The following PLCG2 variants were observed in gnomAD, a reference collection of about 807,000 sequenced individuals.
PLCG2 encodes the protein 1-phosphatidylinositol 4,5-bisphosphate phosphodiesterase gamma-2.
In PLCG2, 69 loss-of-function variants were observed where a neutral mutation model predicts 175.6. The ratio of observed to expected loss-of-function variants is 0.39; its 90% CI spans 0.32 to 0.48. The LOEUF is 0.48. PLCG2 is among the 20% of genes least tolerant of loss of function. The pLI is 0.91. For missense variants in PLCG2, 1,798 were observed against 1,650.9 expected (o/e 1.09, Z -1.54); for synonymous variants, 827 against 624.0 (o/e 1.33, Z -4.85).
intron 31 of PLCG2, among the ~76,000 whole-genome samples, chr16:81,949,935 C>T (rs552724820): frequency 1.3e-5 from 2 of 152,234 alleles, no homozygotes; most frequent in South Asian, 4.1e-4. Context: ...TTTAATGCTA[C>T]ATCTGATGTT....
chr16:81,919,459 C>T (rs755880854), intron 19 of PLCG2, 25 bp from the exon 20 acceptor site: 1 of 1,598,284 alleles, frequency 6.3e-7, no homozygotes, highest in South Asian at 1.1e-5. Context: ...CTTGGCATGT[C>T]AACCCTGTGT....
chr16:81,854,682 A>G (rs886876974), intron 3 of PLCG2, 95 bp downstream of exon 3: 14 of 1,112,708 alleles, frequency 1.3e-5, no homozygotes, highest in African/African-American at 6.1e-5. Flanking sequence ...CTGCCTGCTC[A>G]CTGATGTGTA....
chr16:81,943,180 G>A (rs968440641), intron 30 of PLCG2, among the ~76,000 whole-genome samples: 9 of 152,216 alleles, frequency 5.9e-5, no homozygotes, highest in Admixed American at 5.2e-4. Context: ...TCAGCAGCTA[G>A]ACTGTATTAG....
intron 31 of PLCG2, among the ~76,000 whole-genome samples, chr16:81,951,342 G>A (rs1185877553): frequency 2.0e-5 from 3 of 152,182 alleles, no homozygotes; most frequent in African/African-American, 7.2e-5. Flanking sequence ...ATACTGGAAA[G>A]GAGACTGAAC....
chr16:81,862,432 C>T (rs1039423489), intron 5 of PLCG2, among the ~76,000 whole-genome samples: 1 of 152,220 alleles, frequency 6.6e-6, no homozygotes, highest in Non-Finnish European at 1.5e-5. Context: ...TGCTCTCAGA[C>T]ACGTTTTCTA....
At chr16:81,919,930 G>A (rs1909993802) in intron 20 of PLCG2, among the ~76,000 whole-genome samples, 1 of 152,154 alleles carries the variant, frequency 6.6e-6, no homozygotes, top group Non-Finnish European at 1.5e-5. Context: ...TGGGCAGGTG[G>A]ATAAGAGGAT....
At chr16:81,810,110 G>C (rs982084537) in intron 2 of PLCG2, among the ~76,000 whole-genome samples, 2 of 152,074 alleles carry the variant, frequency 1.3e-5, no homozygotes, top group Non-Finnish European at 2.9e-5. Context: ...TCCTGCCTCA[G>C]CCTCCTGAGT....
intron 18 of PLCG2, 72 bp from the exon 19 acceptor site, chr16:81,912,525 G>A: frequency 1.9e-6 from 3 of 1,566,990 alleles, no homozygotes; most frequent in Non-Finnish European, 2.6e-6. Context: ...CCATTATCTT[G>A]TCCTCTGCGG....
Position 81,792,719 on chromosome 16 carries a change from C to G in PLCG2, c.193+6537C>G, listed in dbSNP as rs116469255. On this transcript the variant is annotated intron_variant, in intron 2 of 32. Coordinates refer to ENST00000564138, the MANE Select transcript of PLCG2 (RefSeq NM_002661.5). Reference sequence around the variant, plus strand: ...AGCCTCTTGTAAAACTATCAGCCCTCATGAGAATTTACTCACTATCACGAG... The same window carrying G: ...AGCCTCTTGTAAAACTATCAGCCCTGATGAGAATTTACTCACTATCACGAG... 4.2e-3 allele frequency among the ~76,000 whole-genome samples: 641 copies of G among 152,118 alleles called. 4 individuals carry two copies. Among genetic ancestry groups the G allele is most frequent in the African/African-American group, 0.015 (614 of 41,486 alleles).
intron 2 of PLCG2, among the ~76,000 whole-genome samples, chr16:81,795,732 G>T (rs577657044): frequency 1.3e-5 from 2 of 151,744 alleles, no homozygotes; most frequent in East Asian, 1.9e-4. Flanking sequence ...ATGGGGTCTT[G>T]CTTATTGCCC....
At chr16:81,786,203 G>A in intron 2 of PLCG2, 21 bp downstream of exon 2, 1 of 1,607,760 alleles carries the variant, frequency 6.2e-7, no homozygotes, top group Non-Finnish European at 8.5e-7. Flanking sequence ...GCTGGGTGGG[G>A]CAGTGTGGCC....
intron 5 of PLCG2, among the ~76,000 whole-genome samples, chr16:81,863,717 C>G (rs1303497932): frequency 6.6e-6 from 1 of 152,256 alleles, no homozygotes; most frequent in African/African-American, 2.4e-5. Context: ...CATATCCTCA[C>G]CAACACTTAC....
chr16:81,908,444 G>C lies in PLCG2; in HGVS notation c.1586G>C (p.Gly529Ala), dbSNP rs1013382788. Residue 529 changes from glycine (G) to alanine (A), a missense_variant, in exon 17 of 33, where the codon GGG becomes GCG. Coordinates refer to ENST00000564138, the MANE Select transcript of PLCG2 (RefSeq NM_002661.5). ...QDIPPTELHF[G>A]EKWFHKKVEK... ...ATACCCCCTACAGAACTACATTTTG[G>C]GGAGAAATGGTTCCACAAGAAGGTG... The C allele has an allele frequency of 1.2e-6, 2 of 1,613,986 alleles. No individual in the cohort carries two copies. The highest frequency in any genetic ancestry group is 1.7e-6 in the Non-Finnish European group (2 of 1,180,016).
chr16:81,896,671 A>C (rs1908905737), intron 13 of PLCG2, among the ~76,000 whole-genome samples: 1 of 152,148 alleles, frequency 6.6e-6, no homozygotes, highest in African/African-American at 2.4e-5. Flanking sequence ...TTTTGTGCCC[A>C]GTTCTCACCC....
chr16:81,816,911 G>A (rs1032738613), intron 2 of PLCG2, among the ~76,000 whole-genome samples: 3 of 152,044 alleles, frequency 2.0e-5, no homozygotes, highest in Non-Finnish European at 4.4e-5. Flanking sequence ...GGCCACATCC[G>A]GTTCTGCCTC....
At chr16:81,942,383 C>G (rs944663878) in intron 30 of PLCG2, among the ~76,000 whole-genome samples, 1 of 152,242 alleles carries the variant, frequency 6.6e-6, no homozygotes, top group Non-Finnish European at 1.5e-5. Flanking sequence ...TCTCCTCCCC[C>G]GACTGTGAGA....
At chr16:81,914,793 T>C (rs1041165480) in intron 19 of PLCG2, among the ~76,000 whole-genome samples, 2 of 152,138 alleles carry the variant, frequency 1.3e-5, no homozygotes, top group African/African-American at 4.8e-5. Context: ...TGGTGGTTGG[T>C]GAATGCTGGC....
chr16:81,937,900 C>A lies in PLCG2; in HGVS notation c.3195C>A (p.Val1065=). ...SQRKILMTLT[V]KVLGARHLPK... is the part of the protein sequence containing the mutation. ...GGAAGATCCTGATGACGCTGACAGT[C>A]AAGGTAAAGCCAGCCCTCCCTTCCT... The change falls in exon 28 of 33, where the codon GTC becomes GTA. Residue 1065 remains valine (V), a synonymous_variant. Transcript: ENST00000564138. 4 of 1,613,984 alleles carry A rather than the reference C, an allele frequency of 2.5e-6. No homozygotes were observed. Among genetic ancestry groups the A allele is most frequent in the Middle Eastern group, 3.3e-4 (2 of 6,036 alleles).
rs768259859 is a variant in PLCG2 at position 81,946,200 on chromosome 16, T to C, written c.3507T>C (p.Asn1169=). Residue 1169 remains asparagine (N), a synonymous_variant, in exon 31 of 33, where the codon AAT becomes AAC. Transcript: ENST00000564138. ...KSGFRSVPLK[N]GYSEDIELAS... ...GATTCAGGTCCGTTCCTCTGAAGAA[T>C]GGGTACAGCGAGGACATAGAGCTGG... The C allele has an allele frequency of 1.9e-6, 3 of 1,613,724 alleles. No individual in the cohort carries two copies. The highest frequency in any genetic ancestry group is 4.5e-5 in the East Asian group (2 of 44,890).
Sources: gnomAD v4.1 joint callset for allele counts (sites outside exome capture counted in the v4.1 genomes callset) on GRCh38, gnomAD v4.1.1 for gene constraint, MANE v1.5 for transcripts, NCBI Gene and HGNC (gene_info 2026-07-23, HGNC 2026-07-21) for gene names.